The following RAVER1 variants were observed in gnomAD, a reference collection of about 807,000 sequenced individuals.
The protein encoded by RAVER1 is ribonucleoprotein, PTB binding 1.
In RAVER1, 36 loss-of-function variants were observed where a neutral mutation model predicts 68.4. That is an observed-to-expected ratio of 0.53 (90% CI 0.40 to 0.70). The LOEUF is 0.70. RAVER1 is among the 30% of genes least tolerant of loss of function. RAVER1 has a pLI of 0.00. For synonymous variants in RAVER1, 469 were observed against 472.7 expected, an observed-to-expected ratio of 0.99 and a Z score of 0.10; for missense variants, 933 against 1,019.8, an observed-to-expected ratio of 0.91 and a Z score of 1.16.
Position 10,329,029 on chromosome 19 carries a change from C to T in RAVER1, c.369G>A (p.Leu123=). The part of the protein sequence containing the change: ...FHQSRLRERE[L]SVQLQPTDAL... ...CATCCGTGGGCTGCAGCTGCACCGA[C>T]AGTTCACGCTCCCGCAGGCGGCTCT... The change falls in exon 3 of 13, where the codon CTG becomes CTA. Residue 123 remains leucine (L), a synonymous_variant. Coordinates refer to ENST00000617231, the MANE Select transcript of RAVER1 (RefSeq NM_133452.3). The surrounding 1 kb of genome is among the most constrained non-coding windows in gnomAD (Gnocchi z 4.6). 6.4e-7 allele frequency: 1 copy of T among 1,559,348 alleles called. No individual in the cohort carries two copies. Among genetic ancestry groups the T allele is most frequent in the Non-Finnish European group, 8.7e-7 (1 of 1,150,064 alleles).
rs770293462 is a variant in RAVER1 at position 10,320,655 on chromosome 19, C to G, written c.1770G>C (p.Ser590=). 3 of 1,549,236 alleles carry G rather than the reference C, an allele frequency of 1.9e-6. No homozygotes were observed. Among genetic ancestry groups the G allele is most frequent in the African/African-American group, 2.8e-5 (2 of 72,506 alleles). Reference sequence around the variant, plus strand: ...CAGAGAGCTGCAGCCAGGCACTCACCGAGGGGTAGTCGAAGCTGTAGCTGT... The same window carrying G: ...CAGAGAGCTGCAGCCAGGCACTCACGGAGGGGTAGTCGAAGCTGTAGCTGT... The part of the protein sequence containing the change: ...LSDSYSFDYP[S]DMGPRRLFSH... Residue 590 remains serine, a splice_region_variant and synonymous_variant, in exon 9 of 13, where the codon TCG becomes TCC. Coordinates refer to ENST00000617231, the MANE Select transcript of RAVER1 (RefSeq NM_133452.3).
chr19:10,328,691 T>A lies in RAVER1; in HGVS notation c.707A>T (p.Asp236Val). The part of the protein sequence containing the change: ...DRLPPGFNDV[D>V]ALCRALSAVH... The stretch of plus-strand genomic sequence containing the variant: ...AGCTGACAGCGCCCGGCACAGAGCG[T>A]CCACATCGTTGAAGCCAGGTGGCAG... Residue 236 changes from aspartate (D) to valine (V), a missense_variant, in exon 3 of 13, where the codon GAC becomes GTC. Coordinates refer to ENST00000617231, the MANE Select transcript of RAVER1 (RefSeq NM_133452.3). This position sits in a 1 kb window ranked among gnomAD's most constrained non-coding sequence, Gnocchi z 4.4. The A allele has an allele frequency of 6.2e-7, 1 of 1,601,174 alleles. No homozygotes were observed. Among genetic ancestry groups the A allele is most frequent in the South Asian group, 1.1e-5 (1 of 89,430 alleles).
Position 10,329,522 on chromosome 19 carries a change from T to C in RAVER1, c.287-411A>G, listed in dbSNP as rs1375137279. On this transcript the variant is annotated intron_variant, in intron 2 of 12. Coordinates refer to ENST00000617231, the MANE Select transcript of RAVER1 (RefSeq NM_133452.3). This position sits in a 1 kb window ranked among gnomAD's most constrained non-coding sequence, Gnocchi z 4.6. ...AATGGATATAACTTAATCATCACAA[T>C]CACCATTTTGCCAGAGAGGAAACGG... 6.6e-6 allele frequency among the ~76,000 whole-genome samples: 1 copy of C among 152,050 alleles called. No homozygotes were observed. Among genetic ancestry groups the C allele is most frequent in the African/African-American group, 2.4e-5 (1 of 41,408 alleles).
chr19:10,322,978 C>A lies in RAVER1; in HGVS notation c.1078+167G>T. ...GCTGCTGTGTGGCCCTGGTCCCGGCCCCCAGTTGTGGACAGCAGCAGCCCC... is the reference window on the plus strand; with the variant it reads ...GCTGCTGTGTGGCCCTGGTCCCGGCACCCAGTTGTGGACAGCAGCAGCCCC... On this transcript the variant is annotated intron_variant, in intron 5 of 12. Coordinates refer to ENST00000617231, the MANE Select transcript of RAVER1 (RefSeq NM_133452.3). This position sits in a 1 kb window ranked among gnomAD's most constrained non-coding sequence, Gnocchi z 4.3. Among the ~76,000 whole-genome samples, 2 of 152,154 alleles carry A rather than the reference C, an allele frequency of 1.3e-5. 1 individual carries two copies. Among genetic ancestry groups the A allele is most frequent in the Non-Finnish European group, 2.9e-5 (2 of 67,994 alleles).
Position 10,317,307 on chromosome 19 carries a change from G to T in RAVER1, c.*147C>A. ...CCCCCACACCCCTTGGGCTCCTGGG[G>T]CTCCGGCTGATTGGTCAGTAAAGTC... On this transcript the variant is annotated 3_prime_UTR_variant, in exon 13 of 13. Transcript: ENST00000617231. This position sits in a 1 kb window ranked among gnomAD's most constrained non-coding sequence, Gnocchi z 4.3. 2.3e-6 allele frequency: 2 copies of T among 867,144 alleles called. No homozygotes were observed. Among genetic ancestry groups the T allele is most frequent in the Non-Finnish European group, 3.7e-6 (2 of 547,102 alleles). 53.7% of individuals were successfully genotyped at this position (867,144 alleles called of 1,614,324 possible).
intron 3 of RAVER1, among the ~76,000 whole-genome samples, chr19:10,326,305 A>G (rs1377872983): frequency 6.6e-6 from 1 of 152,262 alleles, no homozygotes; most frequent in African/African-American, 2.4e-5. Context: ...GTGCTAACTC[A>G]TCTTCTGTCC....
Position 10,325,473 on chromosome 19 carries a change from C to T in RAVER1, c.757-1907G>A, listed in dbSNP as rs147465605. Among the ~76,000 whole-genome samples, 34 of 152,220 alleles carry T rather than the reference C, an allele frequency of 2.2e-4. No individual in the cohort carries two copies. The East Asian group carries it at 6.4e-3, about 29-fold the overall frequency. On this transcript the variant is annotated intron_variant, in intron 3 of 12. Coordinates refer to ENST00000617231, the MANE Select transcript of RAVER1 (RefSeq NM_133452.3). ...CTCGATCTCCAGACCTCGTGATGCA[C>T]CCACCTCGGCCTCCCAAAGTGCTGG... is the stretch of plus-strand genomic sequence containing the variant.
intron 7 of RAVER1, 79 bp downstream of exon 7, chr19:10,321,452 G>T: frequency 2.5e-6 from 3 of 1,208,200 alleles, no homozygotes; most frequent in East Asian, 5.9e-5. Context: ...CCAGAGGTTG[G>T]GTCACTCACC....
chr19:10,332,705 A>C (rs1210892093), intron 1 of RAVER1, among the ~76,000 whole-genome samples: 2 of 152,170 alleles, frequency 1.3e-5, no homozygotes, highest in African/African-American at 4.8e-5. Flanking sequence ...GGCTCCATAG[A>C]ACACAGGCCT....
rs996264830 is a variant in RAVER1, at chr19:10,317,170, G to T, written c.*284C>A. ...GGAGGGCTCCGGAGAGACGGGCACA[G>T]CGGAGGAGGAGATGGGGGGAGGGAG... On this transcript the variant is annotated 3_prime_UTR_variant, in exon 13 of 13. Coordinates refer to ENST00000617231, the MANE Select transcript of RAVER1 (RefSeq NM_133452.3). This position sits in a 1 kb window ranked among gnomAD's most constrained non-coding sequence, Gnocchi z 4.3. 7 of 484,644 alleles carry T rather than the reference G, an allele frequency of 1.4e-5. No individual in the cohort carries two copies. The highest frequency in any genetic ancestry group is 1.0e-4 in the African/African-American group (5 of 50,002). The allele number at this position is 484,644 out of a possible 1,614,324, so 30.0% of individuals were successfully genotyped here. A position where few individuals can be genotyped will look rare whatever the true frequency, so the allele number is the denominator to read the frequency against.
intron 1 of RAVER1, among the ~76,000 whole-genome samples, chr19:10,332,387 G>A (rs1299224430): frequency 6.6e-6 from 1 of 152,186 alleles, no homozygotes; most frequent in African/African-American, 2.4e-5. Flanking sequence ...GTTCCCAGCT[G>A]AGAGACTGCA....
chr19:10,327,391 G>A (rs1014568472), intron 3 of RAVER1, among the ~76,000 whole-genome samples: 2 of 151,976 alleles, frequency 1.3e-5, no homozygotes, highest in Non-Finnish European at 2.9e-5. Context: ...AGCCTCCTGA[G>A]TAGCTGGGAC....
Position 10,323,194 on chromosome 19 carries a change from G to C in RAVER1, c.1029C>G (p.Leu343=). Residue 343 remains leucine (L), a synonymous_variant, in exon 5 of 13, where the codon CTC becomes CTG. Coordinates refer to ENST00000617231, the MANE Select transcript of RAVER1 (RefSeq NM_133452.3). The surrounding 1 kb of genome is among the most constrained non-coding windows in gnomAD (Gnocchi z 6.2). ...GGAGCAGGGGGTTGAGCAGCAGCTG[G>C]AGGGACGCGGATGGGCCCAGGTTGT... ...LLNNLGPSAS[L]QLLLNPLLHG... The C allele has an allele frequency of 6.2e-7, 1 of 1,612,794 alleles. No homozygotes were observed. The highest frequency in any genetic ancestry group is 8.5e-7 in the Non-Finnish European group (1 of 1,179,450).
rs778211823 is a variant in RAVER1, at chr19:10,333,281, C to G, written c.219+8G>C. The G allele has an allele frequency of 2.6e-5, 42 of 1,612,326 alleles. No individual in the cohort carries two copies. Among genetic ancestry groups the G allele is most frequent in the Admixed American group, 2.0e-4 (12 of 59,930 alleles). Reference sequence around the variant, plus strand: ...CCCGCCACGCTCCTACACCGCCCCCCCCAATACCTGGTTGGTCACGTCCCC... The same window carrying G: ...CCCGCCACGCTCCTACACCGCCCCCGCCAATACCTGGTTGGTCACGTCCCC... On this transcript the variant is annotated splice_region_variant and intron_variant, in intron 1 of 12. Transcript: ENST00000617231. The surrounding 1 kb of genome is among the most constrained non-coding windows in gnomAD (Gnocchi z 4.2).
chr19:10,323,547 C>G lies in RAVER1; in HGVS notation c.776G>C (p.Gly259Ala), dbSNP rs2040454370. The part of the protein sequence containing the change: ...TFCQLACGQD[G>A]QLKGFAVLEY... ...CAGCACCGCGAAGCCCTTCAGCTGC[C>G]CATCCTGGCCGCACGCCAGCTGCCG... The change falls in exon 4 of 13, where the codon GGG (glycine) becomes GCG (alanine). Residue 259 changes from glycine to alanine, a missense_variant. Around this residue, in one of 3 missense-constraint regions of RAVER1, gnomAD observed 699 missense variants for 731.1 expected, o/e 0.96. Coordinates refer to ENST00000617231, the MANE Select transcript of RAVER1 (RefSeq NM_133452.3). This position sits in a 1 kb window ranked among gnomAD's most constrained non-coding sequence, Gnocchi z 6.2. 1 of 1,592,344 alleles carries G rather than the reference C, an allele frequency of 6.3e-7. No individual in the cohort carries two copies. The highest frequency in any genetic ancestry group is 2.2e-5 in the East Asian group (1 of 44,546).
Position 10,317,035 on chromosome 19 carries a change from A to G in RAVER1, c.*419T>C. On this transcript the variant is annotated 3_prime_UTR_variant, in exon 13 of 13. Transcript: ENST00000617231. This position sits in a 1 kb window ranked among gnomAD's most constrained non-coding sequence, Gnocchi z 4.3. ...AAATAAAACTTAGAAAAGGAAACAG[A>G]AGTCAGTTGTCAAAGTTAAAAAAAA... The G allele has an allele frequency of 4.5e-6, 1 of 221,774 alleles. No homozygotes were observed. Among genetic ancestry groups the G allele is most frequent in the Non-Finnish European group, 8.8e-6 (1 of 113,116 alleles). The allele number at this position is 221,774 out of a possible 1,614,324, so 13.7% of individuals were successfully genotyped here. A position where few individuals can be genotyped will look rare whatever the true frequency, so the allele number is the denominator to read the frequency against.
intron 1 of RAVER1, among the ~76,000 whole-genome samples, chr19:10,331,849 G>A (rs1230608578): frequency 6.6e-6 from 1 of 152,166 alleles, no homozygotes; most frequent in Admixed American, 6.6e-5. Context: ...GAAGAGATCT[G>A]CTGGAGGCCA....
chr19:10,323,085 C>CG lies in RAVER1; in HGVS notation c.1078+59dup. 1 of 1,401,320 alleles carries CG rather than the reference C, an allele frequency of 7.1e-7. No individual in the cohort carries two copies. Among genetic ancestry groups the CG allele is most frequent in the South Asian group, 1.4e-5 (1 of 71,318 alleles). The allele number at this position is 1,401,320 out of a possible 1,614,324, so 86.8% of individuals were successfully genotyped here. ...CAAGATGAGCAGTTTCGGGAAGTGCCGGGGGCAGCGCTGCAGCCCCTGTTC... is the reference window on the plus strand; with the variant it reads ...CAAGATGAGCAGTTTCGGGAAGTGCCGGGGGGCAGCGCTGCAGCCCCTGTTC... On this transcript the variant is annotated intron_variant, in intron 5 of 12. Coordinates refer to ENST00000617231, the MANE Select transcript of RAVER1 (RefSeq NM_133452.3). The surrounding 1 kb of genome is among the most constrained non-coding windows in gnomAD (Gnocchi z 6.2).
chr19:10,328,417 G>T lies in RAVER1; in HGVS notation c.756+225C>A, dbSNP rs2040489690. ...AATATAAAAATTATCCAGGCATGGG[G>T]GCGGGGCGCCTATAATCCCAGCTAC... On this transcript the variant is annotated intron_variant, in intron 3 of 12. Transcript: ENST00000617231. This position sits in a 1 kb window ranked among gnomAD's most constrained non-coding sequence, Gnocchi z 4.4. Among the ~76,000 whole-genome samples the T allele has an allele frequency of 6.6e-6, 1 of 152,180 alleles. No individual in the cohort carries two copies.
Sources: allele counts gnomAD v4.1 joint callset (sites outside exome capture counted in the v4.1 genomes callset), GRCh38; gene constraint gnomAD v4.1.1; regional missense constraint gnomAD v4.1.1; non-coding constraint Gnocchi (gnomAD v3.1); transcripts MANE v1.5; gene names NCBI Gene and HGNC (gene_info 2026-07-23, HGNC 2026-07-21).